The following CYP2J2 variants were observed in gnomAD, a reference collection of about 807,000 sequenced individuals.
CYP2J2 encodes the protein cytochrome P450 family 2 subfamily J member 2, also known as cytochrome P450 2J2.
Under a neutral mutation model 48.8 loss-of-function variants are expected in CYP2J2, and 41 were observed. That is an observed-to-expected ratio of 0.84 (90% CI 0.66 to 1.09). CYP2J2 has a LOEUF of 1.09. CYP2J2 is among the 50% of genes least tolerant of loss of function. The pLI is 0.00. For missense variants in CYP2J2, 644 were observed against 617.3 expected (o/e 1.04, Z -0.46); for synonymous variants, 221 against 227.1 (o/e 0.97, Z 0.24).
Position 59,915,930 on chromosome 1 carries a change from A to C in CYP2J2, c.373+8T>G. On this transcript the variant is annotated splice_region_variant and intron_variant, in intron 2 of 8. Coordinates refer to ENST00000371204, the MANE Select transcript of CYP2J2 (RefSeq NM_000775.4). ...AAACACTCACCTTTCGTTGGCCAAG[A>C]AACTTACCATTTTTCTTAAAGATAT... 1 of 1,611,306 alleles carries C rather than the reference A, an allele frequency of 6.2e-7. No individual in the cohort carries two copies. Among genetic ancestry groups the C allele is most frequent in the Non-Finnish European group, 8.5e-7 (1 of 1,178,916 alleles).
At chr1:59,919,341 A>C (rs557446658) in intron 1 of CYP2J2, among the ~76,000 whole-genome samples, 1 of 152,236 alleles carries the variant, frequency 6.6e-6, no homozygotes, top group Non-Finnish European at 1.5e-5. Flanking sequence ...AAAAGTTGGA[A>C]ATATAATTTT....
the CYP2J2 span, among the ~76,000 whole-genome samples, chr1:59,962,398 C>G: frequency 6.6e-6 from 1 of 152,004 alleles, no homozygotes; most frequent in Non-Finnish European, 1.5e-5. Flanking sequence ...TAAAAAGGAA[C>G]CAGAGGAGAA....
chr1:59,899,455 A>C (rs983561311), intron 8 of CYP2J2, among the ~76,000 whole-genome samples: 6 of 152,322 alleles, frequency 3.9e-5, no homozygotes, highest in African/African-American at 1.4e-4. Flanking sequence ...AGTCACACCA[A>C]CATGGGTCAT....
chr1:59,896,640 A>C (rs11572322), intron 8 of CYP2J2, among the ~76,000 whole-genome samples: 1 of 151,644 alleles, frequency 6.6e-6, no homozygotes, highest in Non-Finnish European at 1.5e-5. Flanking sequence ...CCCCTCCCCT[A>C]TGTGAATGTC....
chr1:59,936,998 T>C, the CYP2J2 span, among the ~76,000 whole-genome samples: 1 of 152,244 alleles, frequency 6.6e-6, no homozygotes, highest in East Asian at 1.9e-4. Context: ...GGTAAGCTGC[T>C]GTAGCAATGA....
At chr1:59,938,901 G>T in the CYP2J2 span, among the ~76,000 whole-genome samples, 1 of 152,194 alleles carries the variant, frequency 6.6e-6, no homozygotes, top group East Asian at 1.9e-4. Context: ...AGAGAATGGC[G>T]ATGACTTTTA....
chr1:59,949,597 A>G, the CYP2J2 span, among the ~76,000 whole-genome samples: 1 of 152,142 alleles, frequency 6.6e-6, no homozygotes, highest in African/African-American at 2.4e-5. Context: ...TAATTCCATA[A>G]AGTCTCAAAC....
intron 2 of CYP2J2, among the ~76,000 whole-genome samples, chr1:59,915,551 G>C (rs1361055349): frequency 6.6e-6 from 1 of 152,172 alleles, no homozygotes; most frequent in Admixed American, 6.5e-5. Flanking sequence ...AGAGAATAAG[G>C]AAATAGAGAC....
upstream of CYP2J2, among the ~76,000 whole-genome samples, chr1:59,927,068 T>C (rs1644573594): frequency 6.6e-6 from 1 of 152,228 alleles, no homozygotes; most frequent in African/African-American, 2.4e-5. Flanking sequence ...ACAACAGCAG[T>C]ACCTAACATT....
At chr1:59,963,250 T>C in the CYP2J2 span, among the ~76,000 whole-genome samples, 11,531 of 152,208 alleles carry the variant, frequency 0.076, 469 homozygotes, top group African/African-American at 0.11. Context: ...TTCAGAGACA[T>C]TAATTATATT....
At chr1:59,942,304 C>G in the CYP2J2 span, among the ~76,000 whole-genome samples, 4 of 151,912 alleles carry the variant, frequency 2.6e-5, no homozygotes, top group Non-Finnish European at 5.9e-5. Context: ...CAAGAAGGAG[C>G]CAGAAATAGA....
At chr1:59,928,313 ATAATT>A (rs1411071784), upstream of CYP2J2, among the ~76,000 whole-genome samples, 1 of 152,216 alleles carries the variant, frequency 6.6e-6, no homozygotes, top group East Asian at 1.9e-4. Context: ...TAAAACTAAA[ATAATT>A]TAAGTCCCTG....
At chr1:59,939,834 A>C in the CYP2J2 span, among the ~76,000 whole-genome samples, 1 of 152,160 alleles carries the variant, frequency 6.6e-6, no homozygotes, top group African/African-American at 2.4e-5. Flanking sequence ...CAAAGGCAGA[A>C]GAGCCTTATC....
the CYP2J2 span, among the ~76,000 whole-genome samples, chr1:59,932,016 A>C: frequency 6.6e-6 from 1 of 152,136 alleles, no homozygotes; most frequent in African/African-American, 2.4e-5. Flanking sequence ...ACATTAATTG[A>C]TGTGGTGTAT....
Position 59,911,781 on chromosome 1 carries a change from G to A in CYP2J2, c.524-13C>T. The A allele has an allele frequency of 6.2e-7, 1 of 1,610,132 alleles. No individual in the cohort carries two copies. Among genetic ancestry groups the A allele is most frequent in the South Asian group, 1.1e-5 (1 of 90,230 alleles). On this transcript the variant is annotated splice_polypyrimidine_tract_variant and intron_variant, in intron 3 of 8. Transcript: ENST00000371204. ...TCAAAAGGCTGTCCTGAAGGTGGAG[G>A]AAGGGCAAGATGGATCCTTCTGATG...
At chr1:59,923,449 A>T (rs777935356) in intron 1 of CYP2J2, among the ~76,000 whole-genome samples, 1 of 152,250 alleles carries the variant, frequency 6.6e-6, no homozygotes, top group Non-Finnish European at 1.5e-5. Flanking sequence ...TCAAGAGAAC[A>T]TCAATTGAGT....
intron 2 of CYP2J2, chr1:59,912,550 A>C: frequency 2.5e-6 from 1 of 407,438 alleles, no homozygotes; most frequent in Non-Finnish European, 4.4e-6. Flanking sequence ...ACTCATAGAA[A>C]CTCTCTGGGA....
the CYP2J2 span, among the ~76,000 whole-genome samples, chr1:59,953,681 C>T: frequency 0.027 from 4,053 of 151,870 alleles, 58 homozygotes; most frequent in Non-Finnish European, 0.033. Flanking sequence ...CAGTAGGCCA[C>T]GTGAGGGTAT....
chr1:59,895,935 T>G (rs182781288), intron 8 of CYP2J2, among the ~76,000 whole-genome samples: 1 of 152,204 alleles, frequency 6.6e-6, no homozygotes, highest in Non-Finnish European at 1.5e-5. Context: ...GTTAAATGCA[T>G]GGGATTCCTG....
Sources: gnomAD v4.1 joint callset for allele counts (sites outside exome capture counted in the v4.1 genomes callset) on GRCh38, gnomAD v4.1.1 for gene constraint, MANE v1.5 for transcripts, NCBI Gene and HGNC (gene_info 2026-07-23, HGNC 2026-07-21) for gene names.